The following KRT18 variants were observed in gnomAD, a reference collection of about 807,000 sequenced individuals.
KRT18 encodes the protein keratin 18.
A neutral mutation model predicts 39.9 loss-of-function variants in KRT18; 8 were observed. That is an observed-to-expected ratio of 0.20 (90% CI 0.12 to 0.36). The LOEUF (loss-of-function observed/expected upper bound fraction) is 0.36, where lower values mean the gene tolerates loss of function less well. Ranked by LOEUF, KRT18 falls within the 10% of genes least tolerant of loss-of-function variation. KRT18 has a pLI of 1.00. For synonymous variants in KRT18, 194 were observed against 227.8 expected (o/e 0.85, Z 1.33); for missense variants, 396 against 565.7 (o/e 0.70, Z 3.04).
In KRT18 at chr12:52,951,604, C is replaced by G. The variant is rs776044211; in HGVS notation, c.781C>G (p.Arg261Gly). 6.2e-7 allele frequency: 1 copy of G among 1,613,998 alleles called. No individual in the cohort carries two copies. Among genetic ancestry groups the G allele is most frequent in the Non-Finnish European group, 8.5e-7 (1 of 1,180,012 alleles). The change falls in exon 4 of 7, where the codon CGG becomes GGG. Residue 261 changes from arginine (R) to glycine (G), a missense_variant. By Grantham distance (125) the Arg-to-Gly change is moderately radical (BLOSUM62 -2). Transcript: ENST00000388835. ...DIRAQYDELA[R>G]KNREELDKYW... ...CCGGGCCCAATATGACGAGCTGGCT[C>G]GGAAGAACCGAGAGGAGCTAGACAA...
Position 52,951,728 on chromosome 12 carries a change from C to T in KRT18, c.823-3C>T. Reference sequence around the variant, plus strand: ...GGCCTGATGGACTGTCCCCATCCTGCAGATTGAGGAGAGCACCACAGTGGT... The same window carrying T: ...GGCCTGATGGACTGTCCCCATCCTGTAGATTGAGGAGAGCACCACAGTGGT... On this transcript the variant is annotated splice_polypyrimidine_tract_variant and splice_region_variant and intron_variant, in intron 4 of 6. Coordinates refer to ENST00000388835, the MANE Select transcript of KRT18 (RefSeq NM_000224.3). The T allele has an allele frequency of 6.2e-7, 1 of 1,613,302 alleles. No homozygotes were observed. Among genetic ancestry groups the T allele is most frequent in the Non-Finnish European group, 8.5e-7 (1 of 1,180,016 alleles).
chr12:52,951,419 A>G, intron 3 of KRT18, 62 bp from the exon 4 acceptor site: 1 of 1,526,928 alleles, frequency 6.5e-7, no homozygotes, highest in Non-Finnish European at 9.1e-7. Context: ...CAATCACAGA[A>G]GAAAGGCCTT....
chr12:52,951,563 A>G lies in KRT18; in HGVS notation c.740A>G (p.Lys247Arg), dbSNP rs1318727866. Reference protein sequence around the residue: ...VDAPKSQDLAKIMADIRAQYD... With the variant: ...VDAPKSQDLARIMADIRAQYD... ...GCCCCCAAATCTCAGGACCTCGCCA[A>G]GATCATGGCAGACATCCGGGCCCAA... is the stretch of plus-strand genomic sequence containing the variant. Residue 247 changes from lysine (K) to arginine (R), a missense_variant, in exon 4 of 7, where the codon AAG (lysine) becomes AGG (arginine). By Grantham distance (26) the Lys-to-Arg change is conservative (BLOSUM62 2). Coordinates refer to ENST00000388835, the MANE Select transcript of KRT18 (RefSeq NM_000224.3). 1 of 1,614,184 alleles carries G rather than the reference A, an allele frequency of 6.2e-7. No homozygotes were observed. Among genetic ancestry groups the G allele is most frequent in the South Asian group, 1.1e-5 (1 of 91,084 alleles).
chr12:52,950,642 C>A, intron 2 of KRT18, 108 bp from the exon 3 acceptor site: 2 of 1,181,392 alleles, frequency 1.7e-6, no homozygotes, highest in Non-Finnish European at 1.2e-6. Flanking sequence ...ATTGCTGACT[C>A]AAGTTGCTGG....
intron 2 of KRT18, 32 bp downstream of exon 2, chr12:52,950,442 A>G: frequency 6.7e-7 from 1 of 1,503,054 alleles, no homozygotes; most frequent in Non-Finnish European, 9.3e-7. Context: ...CTGGGGGTCC[A>G]GGGGTGGAGC....
In KRT18 at chr12:52,949,359, C is replaced by G. The variant is rs771773665; in HGVS notation, c.186C>G (p.Gly62=). ...TSFRGGMGSG[G]LATGIAGGLA... ...TCAGGGGCGGCATGGGGTCCGGGGG[C>G]CTGGCCACCGGGATAGCCGGGGGTC... Residue 62 remains glycine, a synonymous_variant, in exon 1 of 7, where the codon GGC becomes GGG. Coordinates refer to ENST00000388835, the MANE Select transcript of KRT18 (RefSeq NM_000224.3). 6.2e-7 allele frequency: 1 copy of G among 1,610,600 alleles called. No homozygotes were observed. The highest frequency in any genetic ancestry group is 8.5e-7 in the Non-Finnish European group (1 of 1,179,572).
Position 52,952,771 on chromosome 12 carries a change from ACCACCACCCG to A in KRT18, c.1225_1234del (p.Thr409GlyfsTer2), listed in dbSNP as rs775555534. On this transcript the variant is annotated frameshift_variant, in exon 7 of 7. Transcript: ENST00000388835. LOFTEE classifies it high-confidence loss of function. ...CAACTCCATGCAAACCATCCAAAAG[ACCACCACCCG>A]CCGGATAGTGGATGGCAAAGTGGTG... The A allele has an allele frequency of 1.3e-4, 213 of 1,613,066 alleles. No homozygotes were observed. The highest frequency in any genetic ancestry group is 1.5e-5 in the Non-Finnish European group (18 of 1,179,748).
In KRT18 at chr12:52,951,826, G is replaced by T; in HGVS notation, c.918G>T (p.Leu306Phe). 1 of 1,608,562 alleles carries T rather than the reference G, an allele frequency of 6.2e-7. No homozygotes were observed. ...LTELRRTVQS[L>F]EIDLDSMRNL... Reference sequence around the variant, plus strand: ...AGCTGAGACGTACAGTCCAGTCCTTGGAGATCGACCTGGACTCCATGAGAA... The same window carrying T: ...AGCTGAGACGTACAGTCCAGTCCTTTGAGATCGACCTGGACTCCATGAGAA... The change falls in exon 5 of 7, where the codon TTG becomes TTT. Residue 306 changes from leucine (L) to phenylalanine (F), a missense_variant. Leu to Phe is a conservative substitution (Grantham distance 22). Coordinates refer to ENST00000388835, the MANE Select transcript of KRT18 (RefSeq NM_000224.3).
In KRT18 at chr12:52,951,625, G is replaced by T; in HGVS notation, c.802G>T (p.Asp268Tyr). 1 of 1,613,998 alleles carries T rather than the reference G, an allele frequency of 6.2e-7. No individual in the cohort carries two copies. Among genetic ancestry groups the T allele is most frequent in the Non-Finnish European group, 8.5e-7 (1 of 1,180,034 alleles). ...GGCTCGGAAGAACCGAGAGGAGCTA[G>T]ACAAGTACTGGTCTCAGCAGGTGCG... ...ELARKNREEL[D>Y]KYWSQQIEES... Residue 268 changes from aspartate (D) to tyrosine (Y), a missense_variant, in exon 4 of 7, where the codon GAC becomes TAC. Asp to Tyr is a radical substitution (Grantham distance 160). Coordinates refer to ENST00000388835, the MANE Select transcript of KRT18 (RefSeq NM_000224.3).
At chr12:52,949,058 C>T, upstream of KRT18, 1 of 1,017,774 alleles carries the variant, frequency 9.8e-7, no homozygotes, top group Non-Finnish European at 1.5e-6. Flanking sequence ...TCCGAAGCGG[C>T]TCCGGGGCGG....
Position 52,952,806 on chromosome 12 carries a change from G to A in KRT18, c.1257G>A (p.Val419=), listed in dbSNP as rs1942515064. The change falls in exon 7 of 7, where the codon GTG becomes GTA. Residue 419 remains valine (V), a synonymous_variant. Transcript: ENST00000388835. ...TTRRIVDGKV[V]SETNDTKVLR... The stretch of plus-strand genomic sequence containing the variant: ...GCCGGATAGTGGATGGCAAAGTGGT[G>A]TCTGAGACCAATGACACCAAAGTTC... 1 of 1,612,012 alleles carries A rather than the reference G, an allele frequency of 6.2e-7. No individual in the cohort carries two copies. Among genetic ancestry groups the A allele is most frequent in the Non-Finnish European group, 8.5e-7 (1 of 1,179,882 alleles).
intron 1 of KRT18, 198 bp downstream of exon 1, chr12:52,949,788 GGA>G (rs1408922689): frequency 2.8e-6 from 2 of 712,150 alleles, no homozygotes. Flanking sequence ...CTCTTTCCCA[GGA>G]GAGAGGGGGA....
chr12:52,951,613 C>T lies in KRT18; in HGVS notation c.790C>T (p.Arg264Ter), dbSNP rs774491952. Residue 264 changes from arginine to a stop codon, truncating the protein, a stop_gained, in exon 4 of 7, where the codon CGA becomes TGA. Coordinates refer to ENST00000388835, the MANE Select transcript of KRT18 (RefSeq NM_000224.3). LOFTEE classifies it high-confidence loss of function. Reference sequence around the variant, plus strand: ...ATATGACGAGCTGGCTCGGAAGAACCGAGAGGAGCTAGACAAGTACTGGTC... The same window carrying T: ...ATATGACGAGCTGGCTCGGAAGAACTGAGAGGAGCTAGACAAGTACTGGTC... ...AQYDELARKN[R>*]EELDKYWSQQ... The T allele has an allele frequency of 1.2e-6, 2 of 1,614,010 alleles. No homozygotes were observed. The highest frequency in any genetic ancestry group is 1.7e-6 in the Non-Finnish European group (2 of 1,180,018).
In KRT18 at chr12:52,952,258, A is replaced by T. The variant is rs1392999290; in HGVS notation, c.1088A>T (p.Tyr363Phe). ...RAEGQRQAQE[Y>F]EALLNIKVKL... ...GAGGGACAGCGCCAGGCCCAGGAGT[A>T]TGAGGCCCTGCTGAACATCAAGGTC... The change falls in exon 6 of 7, where the codon TAT (tyrosine) becomes TTT (phenylalanine). Residue 363 changes from tyrosine (Y) to phenylalanine (F), a missense_variant. By Grantham distance (22) the Tyr-to-Phe change is conservative (BLOSUM62 3). Coordinates refer to ENST00000388835, the MANE Select transcript of KRT18 (RefSeq NM_000224.3). 6.2e-7 allele frequency: 1 copy of T among 1,607,480 alleles called. No homozygotes were observed. Among genetic ancestry groups the T allele is most frequent in the Admixed American group, 1.7e-5 (1 of 58,816 alleles).
In KRT18 at chr12:52,949,502, G is replaced by C. The variant is rs752738391; in HGVS notation, c.329G>C (p.Ser110Thr). 1 of 1,613,576 alleles carries C rather than the reference G, an allele frequency of 6.2e-7. No individual in the cohort carries two copies. Among genetic ancestry groups the C allele is most frequent in the South Asian group, 1.1e-5 (1 of 91,088 alleles). Residue 110 changes from serine to threonine, a missense_variant, in exon 1 of 7, where the codon AGC becomes ACC. Transcript: ENST00000388835. ...SLETENRRLE[S>T]KIREHLEKKG... ...GAGACCGAGAACCGGAGGCTGGAGA[G>C]CAAAATCCGGGAGCACTTGGAGAAG... is the stretch of plus-strand genomic sequence containing the variant.
intron 1 of KRT18, 126 bp from the exon 2 acceptor site, chr12:52,950,202 G>A (rs1194655552): frequency 1.5e-5 from 12 of 782,134 alleles, no homozygotes; most frequent in Admixed American, 8.5e-5. Flanking sequence ...AGGTGTCCAG[G>A]GAGAGCCTCT....
At chr12:52,951,434 G>A in intron 3 of KRT18, 47 bp from the exon 4 acceptor site, 1 of 1,590,480 alleles carries the variant, frequency 6.3e-7, no homozygotes, top group Non-Finnish European at 8.6e-7. Context: ...GGCCTTGTTG[G>A]AGCTCTGACC....
rs1292425055 is a variant in KRT18 at position 52,952,253 on chromosome 12, G to C, written c.1083G>C (p.Gln361His). The C allele has an allele frequency of 1.2e-6, 2 of 1,606,366 alleles. No individual in the cohort carries two copies. The highest frequency in any genetic ancestry group is 1.7e-6 in the Non-Finnish European group (2 of 1,177,498). ...GGGCAGAGGGACAGCGCCAGGCCCAGGAGTATGAGGCCCTGCTGAACATCA... is the reference window on the plus strand; with the variant it reads ...GGGCAGAGGGACAGCGCCAGGCCCACGAGTATGAGGCCCTGCTGAACATCA... ...QTRAEGQRQA[Q>H]EYEALLNIKV... is the part of the protein sequence containing the mutation. Residue 361 changes from glutamine to histidine, a missense_variant, in exon 6 of 7, where the codon CAG becomes CAC. Gln to His is a conservative substitution (Grantham distance 24). Coordinates refer to ENST00000388835, the MANE Select transcript of KRT18 (RefSeq NM_000224.3).
rs769726300 is a variant in KRT18, at chr12:52,952,228, G to A, written c.1058G>A (p.Arg353Gln). Residue 353 changes from arginine (R) to glutamine (Q), a missense_variant, in exon 6 of 7, where the codon CGG (arginine) becomes CAG (glutamine). Arg to Gln is a conservative substitution (Grantham distance 43). Coordinates refer to ENST00000388835, the MANE Select transcript of KRT18 (RefSeq NM_000224.3). Reference sequence around the variant, plus strand: ...CTTGAGTCAGAGCTGGCACAGACCCGGGCAGAGGGACAGCGCCAGGCCCAG... The same window carrying A: ...CTTGAGTCAGAGCTGGCACAGACCCAGGCAGAGGGACAGCGCCAGGCCCAG... ...LHLESELAQT[R>Q]AEGQRQAQEY... 1.1e-5 allele frequency: 17 copies of A among 1,602,184 alleles called. 1 individual carries two copies. The highest frequency in any genetic ancestry group is 1.7e-4 in the Middle Eastern group (1 of 5,826).
Sources: allele counts gnomAD v4.1 joint callset, GRCh38; gene constraint gnomAD v4.1.1; transcripts MANE v1.5; gene names NCBI Gene and HGNC (gene_info 2026-07-23, HGNC 2026-07-21).